NFIX: variants seen among roughly 807,000 people sequenced by gnomAD.
The protein encoded by NFIX is nuclear factor 1 X-type.
Under a neutral mutation model 53.3 loss-of-function variants are expected in NFIX, and 2 were observed. The ratio of observed to expected loss-of-function variants is 0.04; its 90% CI spans 0.02 to 0.12. The LOEUF is 0.12. Among genes scored for constraint, NFIX ranks in the 10% least tolerant of loss-of-function variants. NFIX has a pLI of 1.00. For synonymous variants in NFIX, 244 were observed against 289.0 expected, an observed-to-expected ratio of 0.84 and a Z score of 1.58; for missense variants, 310 against 674.5, an observed-to-expected ratio of 0.46 and a Z score of 5.99.
intron 2 of NFIX, among the ~76,000 whole-genome samples, chr19:13,055,424 T>C (rs1042005140): frequency 6.6e-6 from 1 of 152,098 alleles, no homozygotes; most frequent in Non-Finnish European, 1.5e-5. Flanking sequence ...GGGAGGGCAG[T>C]GCTGAGCTCA....
At position 13,068,247 on chromosome 19, in the gene NFIX, A is replaced by T. The variant is rs908549064; in HGVS notation, c.560-4800A>T. Among the ~76,000 whole-genome samples, 8 of 152,206 alleles carry T rather than the reference A, an allele frequency of 5.3e-5. No homozygotes were observed. Among genetic ancestry groups the T allele is most frequent in the Admixed American group, 3.9e-4 (6 of 15,278 alleles). On this transcript the variant is annotated intron_variant, in intron 2 of 10. Transcript: ENST00000592199. This position sits in a 1 kb window ranked among gnomAD's most constrained non-coding sequence, Gnocchi z 4.2. Reference sequence around the variant, plus strand: ...CAGTGTCCTCTTGGAAACACGCACAAGCACACGTGCCTGCAAACAGCAGAA... The same window carrying T: ...CAGTGTCCTCTTGGAAACACGCACATGCACACGTGCCTGCAAACAGCAGAA...
At chr19:13,069,987 G>A (rs969129829) in intron 2 of NFIX, 3 of 152,286 alleles carry the variant, frequency 2.0e-5, no homozygotes, top group South Asian at 2.1e-4. Context: ...AGGCAGTCAC[G>A]ACATGGAGAT....
chr19:13,053,535 G>C (rs1158458631), intron 2 of NFIX, among the ~76,000 whole-genome samples: 1 of 152,092 alleles, frequency 6.6e-6, no homozygotes. Flanking sequence ...CCCTCAGACA[G>C]TCCACCTGGA....
Position 13,009,959 on chromosome 19 carries a change from G to A in NFIX, c.27+14095G>A, listed in dbSNP as rs1292803445. ...CAACAGCCTAACCCTGTCCACACAGGTGGAGTGGCCCACCTTGGGCCCGGG... is the reference window on the plus strand; with the variant it reads ...CAACAGCCTAACCCTGTCCACACAGATGGAGTGGCCCACCTTGGGCCCGGG... On this transcript the variant is annotated intron_variant, in intron 1 of 10. Coordinates refer to ENST00000592199, the MANE Select transcript of NFIX (RefSeq NM_001365902.3). The surrounding 1 kb of genome is among the most constrained non-coding windows in gnomAD (Gnocchi z 4.7). Among the ~76,000 whole-genome samples the A allele has an allele frequency of 6.6e-6, 1 of 152,178 alleles. No homozygotes were observed. The highest frequency in any genetic ancestry group is 1.5e-5 in the Non-Finnish European group (1 of 68,014).
At chr19:13,075,766 C>A in intron 6 of NFIX, 95 bp downstream of exon 6, 1 of 1,442,682 alleles carries the variant, frequency 6.9e-7, no homozygotes, top group Admixed American at 2.0e-5. Context: ...ACCAGTTGTC[C>A]CCCTGTCGGG....
chr19:13,029,056 T>G (rs1291221124), intron 2 of NFIX, among the ~76,000 whole-genome samples: 1 of 152,140 alleles, frequency 6.6e-6, no homozygotes, highest in African/African-American at 2.4e-5. Flanking sequence ...GGTATTTGAG[T>G]GGTGGCTCTT....
chr19:13,048,941 G>A (rs967028203), intron 2 of NFIX, among the ~76,000 whole-genome samples: 1 of 152,134 alleles, frequency 6.6e-6, no homozygotes, highest in African/African-American at 2.4e-5. Flanking sequence ...AGCCAAGTGT[G>A]GTGATGCAGC....
rs73006824 is a variant in NFIX at position 13,004,561 on chromosome 19, C to T, written c.27+8697C>T. 5.1e-3 allele frequency among the ~76,000 whole-genome samples: 773 copies of T among 152,218 alleles called. 4 individuals carry two copies. Among genetic ancestry groups the T allele is most frequent in the South Asian group, 0.015 (72 of 4,822 alleles). On this transcript the variant is annotated intron_variant, in intron 1 of 10. Coordinates refer to ENST00000592199, the MANE Select transcript of NFIX (RefSeq NM_001365902.3). ...AGAGCTGAGACCTGCCCTGGTGGCA[C>T]CTCCCCTCTGCTTGTCAGCCACAAC...
chr19:13,061,085 C>G (rs576531393), intron 2 of NFIX, among the ~76,000 whole-genome samples: 51 of 149,698 alleles, frequency 3.4e-4, no homozygotes, highest in African/African-American at 1.2e-3. Flanking sequence ...GCCTTAGACC[C>G]CCCCCTCCCC....
At position 13,067,406 on chromosome 19, in the gene NFIX, A is replaced by AC. The variant is rs770676128; in HGVS notation, c.560-5640dup. 2.9e-4 allele frequency among the ~76,000 whole-genome samples: 44 copies of AC among 150,472 alleles called. No homozygotes were observed. Among genetic ancestry groups the AC allele is most frequent in the Admixed American group, 4.6e-4 (7 of 15,106 alleles). On this transcript the variant is annotated intron_variant, in intron 2 of 10. Transcript: ENST00000592199. This position sits in a 1 kb window ranked among gnomAD's most constrained non-coding sequence, Gnocchi z 4.2. ...CTGGTGGCTCCAGATGTACCATCTC[A>AC]CTCCACCCTTTCTGGACGGCAAGAA...
At chr19:13,019,145 C>T (rs1254866250) in intron 1 of NFIX, among the ~76,000 whole-genome samples, 1 of 151,322 alleles carries the variant, frequency 6.6e-6, no homozygotes, top group Non-Finnish European at 1.5e-5. Context: ...ATAAAGAAGG[C>T]TACTAAAAGT....
intron 7 of NFIX, among the ~76,000 whole-genome samples, chr19:13,080,103 G>A (rs2017371219): frequency 6.6e-6 from 1 of 152,202 alleles, no homozygotes; most frequent in Non-Finnish European, 1.5e-5. Context: ...CCTGAATTAA[G>A]GCAGGGCTAG....
intron 2 of NFIX, among the ~76,000 whole-genome samples, chr19:13,039,059 A>T (rs1461975190): frequency 3.9e-5 from 6 of 152,128 alleles, no homozygotes; most frequent in Non-Finnish European, 8.8e-5. Context: ...AATCCTCAGG[A>T]TATTGCCAGC....
rs1438142245 is a variant in NFIX at position 13,012,448 on chromosome 19, C to G, written c.28-12573C>G. Reference sequence around the variant, plus strand: ...GCGGCCTGCCCCTCACAGTGACCCCCCCGACCCACCCCCCAAAAAGTGACC... The same window carrying G: ...GCGGCCTGCCCCTCACAGTGACCCCGCCGACCCACCCCCCAAAAAGTGACC... On this transcript the variant is annotated intron_variant, in intron 1 of 10. Coordinates refer to ENST00000592199, the MANE Select transcript of NFIX (RefSeq NM_001365902.3). This position sits in a 1 kb window ranked among gnomAD's most constrained non-coding sequence, Gnocchi z 5.0. Among the ~76,000 whole-genome samples, 2 of 152,106 alleles carry G rather than the reference C, an allele frequency of 1.3e-5. No individual in the cohort carries two copies. The highest frequency in any genetic ancestry group is 4.8e-5 in the African/African-American group (2 of 41,438).
In NFIX at chr19:13,022,633, A is replaced by T. The variant is rs1191783648; in HGVS notation, c.28-2388A>T. 6.6e-6 allele frequency among the ~76,000 whole-genome samples: 1 copy of T among 151,924 alleles called. No individual in the cohort carries two copies. Among genetic ancestry groups the T allele is most frequent in the African/African-American group, 2.4e-5 (1 of 41,358 alleles). The stretch of plus-strand genomic sequence containing the variant: ...AAGAAAGAAATAGAAACAGAAAAAG[A>T]GAGTGTGCAGGCCCGAGAGAAAGAC... On this transcript the variant is annotated intron_variant, in intron 1 of 10. Coordinates refer to ENST00000592199, the MANE Select transcript of NFIX (RefSeq NM_001365902.3). This position sits in a 1 kb window ranked among gnomAD's most constrained non-coding sequence, Gnocchi z 4.5.
chr19:13,010,513 G>C (rs2012280931), intron 1 of NFIX, among the ~76,000 whole-genome samples: 1 of 152,246 alleles, frequency 6.6e-6, no homozygotes, highest in South Asian at 2.1e-4. Context: ...GCGCACCTAG[G>C]CCTGACATCC....
At chr19:13,019,494 T>C (rs531215752) in intron 1 of NFIX, among the ~76,000 whole-genome samples, 1 of 152,250 alleles carries the variant, frequency 6.6e-6, no homozygotes, top group South Asian at 2.1e-4. Context: ...CTGTTCTGTT[T>C]CCCTCCATCT....
chr19:13,000,348 A>G (rs2011633450), intron 1 of NFIX, among the ~76,000 whole-genome samples: 1 of 151,990 alleles, frequency 6.6e-6, no homozygotes, highest in African/African-American at 2.4e-5. Context: ...CCCAGCTGAG[A>G]GAGGGATGCC....
intron 2 of NFIX, among the ~76,000 whole-genome samples, chr19:13,063,142 C>A (rs2016194766): frequency 6.6e-6 from 1 of 152,184 alleles, no homozygotes; most frequent in Non-Finnish European, 1.5e-5. Flanking sequence ...GACCCTCTGT[C>A]CTTTTTGATT....
Sources: allele counts gnomAD v4.1 joint callset (sites outside exome capture counted in the v4.1 genomes callset), GRCh38; gene constraint gnomAD v4.1.1; non-coding constraint Gnocchi (gnomAD v3.1); transcripts MANE v1.5; gene names NCBI Gene and HGNC (gene_info 2026-07-23, HGNC 2026-07-21).